ANKHD1: variants seen among roughly 807,000 people sequenced by gnomAD.
ANKHD1 encodes the protein ankyrin repeat and KH domain-containing protein 1.
ANKHD1 carries 31 observed loss-of-function variants against 230.5 expected under a neutral mutation model. That is an observed-to-expected ratio of 0.13 (90% CI 0.10 to 0.18). ANKHD1 has a LOEUF of 0.18. Among genes scored for constraint, ANKHD1 ranks in the 10% least tolerant of loss-of-function variants. The pLI is 1.00. For missense variants in ANKHD1, 2,256 were observed against 3,071.3 expected, an observed-to-expected ratio of 0.73 and a Z score of 6.27; for synonymous variants, 1,074 against 1,117.6, an observed-to-expected ratio of 0.96 and a Z score of 0.78.
intron 2 of ANKHD1, among the ~76,000 whole-genome samples, chr5:140,436,510 C>T (rs1773455116): frequency 6.6e-6 from 1 of 152,160 alleles, no homozygotes. Context: ...CTTTGGGAGG[C>T]TGAGGCAGGC....
At position 140,535,429 on chromosome 5, in the gene ANKHD1, C is replaced by T; in HGVS notation, c.6918C>T (p.Ser2306=). The T allele has an allele frequency of 1.9e-6, 3 of 1,613,692 alleles. No individual in the cohort carries two copies. Among genetic ancestry groups the T allele is most frequent in the African/African-American group, 2.7e-5 (2 of 74,980 alleles). ...CTTCTGCTCCTCTGGCAAGTTTTTC[C>T]GGCATACCAGGAACAAGGGTTTTCC... The part of the protein sequence containing the change: ...SSSSAPLASF[S]GIPGTRVFLQ... Residue 2306 remains serine, a synonymous_variant, in exon 30 of 34, where the codon TCC becomes TCT. Transcript: ENST00000360839.
chr5:140,442,033 CTTTTTT>C (rs901282726), intron 5 of ANKHD1, among the ~76,000 whole-genome samples: 1 of 86,924 alleles, frequency 1.2e-5, no homozygotes, highest in Non-Finnish European at 2.2e-5. Context: ...ATAAGATATT[CTTTTTT>C]TTTTTTTTTT....
At position 140,513,806 on chromosome 5, in the gene ANKHD1, C is replaced by CA. The variant is rs35403532; in HGVS notation, c.4317+344dup. Among the ~76,000 whole-genome samples, 461 of 118,180 alleles carry CA rather than the reference C, an allele frequency of 3.9e-3. 2 individuals carry two copies. The highest frequency in any genetic ancestry group is 5.9e-3 in the Non-Finnish European group (338 of 57,392). 77.5% of individuals were successfully genotyped at this position (118,180 alleles called of 152,430 possible). A position where few individuals can be genotyped will look rare whatever the true frequency, so the allele number is the denominator to read the frequency against. On this transcript the variant is annotated intron_variant, in intron 24 of 33. Coordinates refer to ENST00000360839, the MANE Select transcript of ANKHD1 (RefSeq NM_017747.3). ...CCTGGCTGACAGAGCGAGACTGTCT[C>CA]AAAAAAAAAAAAAAAAAGAAAGAAA...
intron 1 of ANKHD1, among the ~76,000 whole-genome samples, chr5:140,406,300 T>C (rs1036801296): frequency 2.0e-5 from 3 of 151,840 alleles, no homozygotes; most frequent in Admixed American, 2.0e-4. Flanking sequence ...AGATGATGAA[T>C]TGGTGTGTAG....
intron 10 of ANKHD1, among the ~76,000 whole-genome samples, chr5:140,469,211 A>G (rs1020767584): frequency 6.6e-6 from 1 of 151,748 alleles, no homozygotes; most frequent in Non-Finnish European, 1.5e-5. Flanking sequence ...ATTATCTACA[A>G]AAATCTTCTT....
chr5:140,492,105 C>G (rs1383423174), intron 14 of ANKHD1, among the ~76,000 whole-genome samples: 1 of 152,058 alleles, frequency 6.6e-6, no homozygotes, highest in East Asian at 1.9e-4. Context: ...AAAGTTCTCA[C>G]ATTTTTATAT....
intron 14 of ANKHD1, among the ~76,000 whole-genome samples, chr5:140,495,743 T>C (rs1324411539): frequency 1.3e-5 from 2 of 152,220 alleles, no homozygotes. Flanking sequence ...CCATTGTTTG[T>C]TAACATATAC....
intron 20 of ANKHD1, among the ~76,000 whole-genome samples, chr5:140,509,140 A>G (rs375748650): frequency 3.3e-5 from 5 of 152,088 alleles, no homozygotes; most frequent in African/African-American, 9.7e-5. Context: ...CTGTCATTCA[A>G]TTTGTCTTTT....
intron 1 of ANKHD1, among the ~76,000 whole-genome samples, chr5:140,418,678 T>G (rs1771604839): frequency 6.6e-6 from 1 of 152,214 alleles, no homozygotes; most frequent in African/African-American, 2.4e-5. Flanking sequence ...CCTGATTTCT[T>G]TCACTTAACA....
intron 3 of ANKHD1, 78 bp from the exon 4 acceptor site, chr5:140,440,041 A>G (rs1773739829): frequency 3.6e-6 from 5 of 1,388,204 alleles, no homozygotes; most frequent in South Asian, 4.0e-5. Flanking sequence ...TTGTGTGACT[A>G]TTTATATTTA....
At position 140,436,514 on chromosome 5, in the gene ANKHD1, G is replaced by T. The variant is rs187088942; in HGVS notation, c.460+257G>T. ...TAATCCCAGCACTTTGGGAGGCTGA[G>T]GCAGGCGGATTGCCTGAGCTCGGAG... On this transcript the variant is annotated intron_variant, in intron 2 of 33. Transcript: ENST00000360839. Among the ~76,000 whole-genome samples the T allele has an allele frequency of 4.6e-3, 704 of 152,304 alleles. 4 individuals carry two copies. The highest frequency in any genetic ancestry group is 0.016 in the African/African-American group (683 of 41,576).
intron 20 of ANKHD1, among the ~76,000 whole-genome samples, chr5:140,508,460 G>A (rs1367021406): frequency 1.3e-5 from 2 of 152,008 alleles, no homozygotes; most frequent in African/African-American, 2.4e-5. Flanking sequence ...TAAGAAAATA[G>A]GAGTTAGTGG....
chr5:140,440,000 AT>A, intron 3 of ANKHD1, 118 bp from the exon 4 acceptor site: 1 of 1,252,098 alleles, frequency 8.0e-7, no homozygotes, highest in Non-Finnish European at 1.0e-6. Context: ...TGTTCATATA[AT>A]TTTTTCTTTT....
chr5:140,404,425 ATTTTTTGTT>A (rs940228611), intron 1 of ANKHD1, among the ~76,000 whole-genome samples: 17 of 150,572 alleles, frequency 1.1e-4, no homozygotes, highest in African/African-American at 2.2e-4. Flanking sequence ...TTTAATTTTA[ATTTTTTGTT>A]TTTTTTGTTT....
intron 1 of ANKHD1, among the ~76,000 whole-genome samples, chr5:140,419,149 T>G (rs1771656344): frequency 6.6e-6 from 1 of 152,090 alleles, no homozygotes; most frequent in African/African-American, 2.4e-5. Flanking sequence ...CTTTTTTTTT[T>G]TTATTACAGC....
At chr5:140,433,879 A>C (rs1773249692) in intron 1 of ANKHD1, among the ~76,000 whole-genome samples, 1 of 152,172 alleles carries the variant, frequency 6.6e-6, no homozygotes, top group Non-Finnish European at 1.5e-5. Flanking sequence ...ATCTGCAAAT[A>C]TCTCTTAATT....
intron 10 of ANKHD1, among the ~76,000 whole-genome samples, chr5:140,475,469 TA>T (rs1179169998): frequency 6.6e-6 from 1 of 151,776 alleles, no homozygotes; most frequent in Admixed American, 6.6e-5. Context: ...CCAAAATGGA[TA>T]AAAAAATATT....
intron 1 of ANKHD1, among the ~76,000 whole-genome samples, chr5:140,426,703 G>A (rs1338682904): frequency 1.3e-5 from 2 of 152,042 alleles, no homozygotes; most frequent in African/African-American, 4.8e-5. Context: ...TTGAGACCAG[G>A]GAGTGGTGAT....
intron 15 of ANKHD1, among the ~76,000 whole-genome samples, chr5:140,499,199 A>G (rs1234147520): frequency 6.6e-6 from 1 of 151,992 alleles, no homozygotes; most frequent in African/African-American, 2.4e-5. Context: ...TTTATTCAAG[A>G]TGATGTACCT....
Sources: allele counts gnomAD v4.1 joint callset (sites outside exome capture counted in the v4.1 genomes callset), GRCh38; gene constraint gnomAD v4.1.1; transcripts MANE v1.5; gene names NCBI Gene and HGNC (gene_info 2026-07-23, HGNC 2026-07-21).